The following MTUS2 variants were observed in gnomAD, a reference collection of about 807,000 sequenced individuals.
MTUS2 encodes the protein microtubule associated scaffold protein 2, also known as microtubule-associated tumor suppressor candidate 2.
A neutral mutation model predicts 114.1 loss-of-function variants in MTUS2; 40 were observed. The ratio of observed to expected loss-of-function variants is 0.35; its 90% CI spans 0.27 to 0.46. MTUS2 has a LOEUF of 0.46. Among genes scored for constraint, MTUS2 ranks in the 20% least tolerant of loss-of-function variants. MTUS2 has a pLI of 1.00. For synonymous variants in MTUS2, 688 were observed against 672.0 expected, an observed-to-expected ratio of 1.02 and a Z score of -0.37; for missense variants, 1,679 against 1,705.4, an observed-to-expected ratio of 0.98 and a Z score of 0.27.
At chr13:29,443,741 T>G (rs57875862) in intron 9 of MTUS2, among the ~76,000 whole-genome samples, 7,303 of 152,164 alleles carry the variant, frequency 0.048, 565 homozygotes, top group African/African-American at 0.17. Flanking sequence ...AGAAGAGCAT[T>G]GAACATGCAA....
chr13:29,265,795 T>G (rs2139481582), intron 5 of MTUS2, among the ~76,000 whole-genome samples: 1 of 152,280 alleles, frequency 6.6e-6, no homozygotes, highest in East Asian at 1.9e-4. Context: ...GGAGATGGGT[T>G]AAGCCATTCA....
chr13:29,258,933 C>T lies in MTUS2; in HGVS notation c.2645-22771C>T, dbSNP rs1222535672. ...AGCTTTCTCAGAATTCTCTGCCCTTCAGCCATGTGTTCAGATGAATAAAGA... is the reference window on the plus strand; with the variant it reads ...AGCTTTCTCAGAATTCTCTGCCCTTTAGCCATGTGTTCAGATGAATAAAGA... On this transcript the variant is annotated intron_variant, in intron 5 of 15. Transcript: ENST00000612955. Among the ~76,000 whole-genome samples, 3 of 152,184 alleles carry T rather than the reference C, an allele frequency of 2.0e-5. No individual in the cohort carries two copies. In the East Asian group the frequency reaches 5.8e-4, roughly 29 times the overall value.
intron 6 of MTUS2, among the ~76,000 whole-genome samples, chr13:29,318,391 C>CTTTTTTTTTTTTTCTTTCTT (rs71090240): frequency 2.2e-5 from 3 of 135,080 alleles, no homozygotes; most frequent in African/African-American, 8.5e-5. Context: ...ATTTCTTTTT[C>CTTTTTTTTTTTTTCTTTCTT]TTTTTTTTTT....
In MTUS2 at chr13:29,371,226, C is replaced by G. The variant is rs950714146; in HGVS notation, c.3117+11753C>G. 1.6e-3 allele frequency among the ~76,000 whole-genome samples: 240 copies of G among 149,280 alleles called. 2 individuals are homozygous for G. Among genetic ancestry groups the G allele is most frequent in the Non-Finnish European group, 3.0e-3 (200 of 67,064 alleles). On this transcript the variant is annotated intron_variant, in intron 8 of 15. Coordinates refer to ENST00000612955, the MANE Select transcript of MTUS2 (RefSeq NM_001033602.4). ...ATATCTTCACATTAACCACCCCCCC[C>G]CCCTTTTTTGAGATGGAGTCTCGCT...
At chr13:29,423,607 AG>A (rs1443595647) in intron 8 of MTUS2, among the ~76,000 whole-genome samples, 17 of 152,214 alleles carry the variant, frequency 1.1e-4, no homozygotes, top group Admixed American at 9.8e-4. Context: ...TAAAAACATG[AG>A]TTTATAATTT....
rs374561552 is a variant in MTUS2 at position 29,325,728 on chromosome 13, G to A, written c.2905+1017G>A. ...TGTTTGAGCTCTAACTGCATGCCAG[G>A]TACTGCCCTGTGCTCTTTCAATATC... On this transcript the variant is annotated intron_variant, in intron 7 of 15. Coordinates refer to ENST00000612955, the MANE Select transcript of MTUS2 (RefSeq NM_001033602.4). Among the ~76,000 whole-genome samples the A allele has an allele frequency of 3.5e-4, 54 of 152,284 alleles. No individual in the cohort carries two copies. The East Asian group carries it at 5.8e-3, about 16-fold the overall frequency.
Position 28,954,758 on chromosome 13 carries a change from A to G in MTUS2, c.-242-69699A>G, listed in dbSNP as rs962182313. ...GGATATGTGAGGAGAGAGGGGAATG[A>G]TCAGGTTAGGAGTGATCAGCCCTAC... is the stretch of plus-strand genomic sequence containing the variant. On this transcript the variant is annotated intron_variant, in intron 2 of 15. Coordinates refer to ENST00000612955, the MANE Select transcript of MTUS2 (RefSeq NM_001033602.4). Among the ~76,000 whole-genome samples the G allele has an allele frequency of 4.6e-5, 7 of 152,148 alleles. No homozygotes were observed. The South Asian group carries it at 1.2e-3, about 27-fold the overall frequency.
At chr13:29,031,305 A>AAGTC in intron 3 of MTUS2, among the ~76,000 whole-genome samples, 1 of 8,866 alleles carries the variant, frequency 1.1e-4, no homozygotes. Flanking sequence ...ATCTATACTT[A>AAGTC]TGTCTCTCAA....
rs1014598769 is a variant in MTUS2, at chr13:29,480,955, C to A, written c.3399+591C>A. 6.6e-6 allele frequency among the ~76,000 whole-genome samples: 1 copy of A among 152,098 alleles called. No homozygotes were observed. Among genetic ancestry groups the A allele is most frequent in the Admixed American group, 6.5e-5 (1 of 15,278 alleles). ...GTACCATTCTTATTCCCATTTTACACGGAAGAAAGCCAAGCCCCCATGGTT... is the reference window on the plus strand; with the variant it reads ...GTACCATTCTTATTCCCATTTTACAAGGAAGAAAGCCAAGCCCCCATGGTT... On this transcript the variant is annotated intron_variant, in intron 10 of 15. Transcript: ENST00000612955. This position sits in a 1 kb window ranked among gnomAD's most constrained non-coding sequence, Gnocchi z 4.4.
At chr13:29,433,738 A>G (rs979123014) in intron 8 of MTUS2, among the ~76,000 whole-genome samples, 3 of 152,226 alleles carry the variant, frequency 2.0e-5, no homozygotes, top group African/African-American at 4.8e-5. Flanking sequence ...GTGTTTTCCT[A>G]TGAAGATGAA....
At chr13:29,382,457 G>A (rs1018613514) in intron 8 of MTUS2, among the ~76,000 whole-genome samples, 1 of 152,158 alleles carries the variant, frequency 6.6e-6, no homozygotes, top group Non-Finnish European at 1.5e-5. Flanking sequence ...CCTAGGATTG[G>A]TGGTATGTTG....
At chr13:28,829,865 A>G (rs1874541259) in intron 1 of MTUS2, among the ~76,000 whole-genome samples, 2 of 152,238 alleles carry the variant, frequency 1.3e-5, no homozygotes, top group African/African-American at 4.8e-5. Context: ...GGAATCTAGA[A>G]GTCCCATGTC....
At chr13:29,357,211 G>A (rs1869824066) in intron 7 of MTUS2, among the ~76,000 whole-genome samples, 1 of 150,924 alleles carries the variant, frequency 6.6e-6, no homozygotes, top group South Asian at 2.1e-4. Flanking sequence ...TATTATTATT[G>A]TTATTAAAGG....
intron 1 of MTUS2, among the ~76,000 whole-genome samples, chr13:28,836,594 A>G (rs1263011425): frequency 6.6e-6 from 1 of 152,148 alleles, no homozygotes; most frequent in Non-Finnish European, 1.5e-5. Flanking sequence ...TCTATCTGGG[A>G]AAGAGTTGGT....
At chr13:28,892,544 C>T (rs1878995058) in intron 2 of MTUS2, among the ~76,000 whole-genome samples, 1 of 152,092 alleles carries the variant, frequency 6.6e-6, no homozygotes, top group African/African-American at 2.4e-5. Flanking sequence ...AAAATTTGTG[C>T]TATTTTGCTT....
At chr13:28,977,629 A>G (rs1051054915) in intron 2 of MTUS2, among the ~76,000 whole-genome samples, 1 of 152,222 alleles carries the variant, frequency 6.6e-6, no homozygotes, top group African/African-American at 2.4e-5. Context: ...ATCAATCATC[A>G]TAATGTTACT....
At chr13:29,430,767 C>T (rs551899878) in intron 8 of MTUS2, among the ~76,000 whole-genome samples, 1 of 152,290 alleles carries the variant, frequency 6.6e-6, no homozygotes, top group East Asian at 1.9e-4. Context: ...TTGATAGTTA[C>T]CTATTGGGCC....
At chr13:28,941,332 CTG>C (rs1432711644) in intron 2 of MTUS2, among the ~76,000 whole-genome samples, 5 of 151,942 alleles carry the variant, frequency 3.3e-5, no homozygotes, top group Non-Finnish European at 7.4e-5. Flanking sequence ...TGTTTATACA[CTG>C]TAATGTATAT....
chr13:29,493,929 C>T (rs929493431), intron 12 of MTUS2, among the ~76,000 whole-genome samples: 3 of 152,152 alleles, frequency 2.0e-5, no homozygotes, highest in Admixed American at 2.0e-4. Flanking sequence ...CAGCAGAATC[C>T]GTTTGGGCTG....
Sources: allele counts gnomAD v4.1 joint callset (sites outside exome capture counted in the v4.1 genomes callset), GRCh38; gene constraint gnomAD v4.1.1; non-coding constraint Gnocchi (gnomAD v3.1); transcripts MANE v1.5; gene names NCBI Gene and HGNC (gene_info 2026-07-23, HGNC 2026-07-21).